SYBU: variants seen among roughly 807,000 people sequenced by gnomAD.
SYBU encodes syntabulin, also known as GOLSYN A protein.
Under a neutral mutation model 35.9 loss-of-function variants are expected in SYBU, and 21 were observed. The ratio of observed to expected loss-of-function variants is 0.58; its 90% confidence interval spans 0.41 to 0.84. The LOEUF is 0.84. SYBU is among the 40% of genes least tolerant of loss of function. SYBU has a pLI of 0.00. For synonymous variants in SYBU, 319 were observed against 324.3 expected, an observed-to-expected ratio of 0.98 and a Z score of 0.18; for missense variants, 768 against 848.2, an observed-to-expected ratio of 0.91 and a Z score of 1.17.
At chr8:109,611,838 ACTT>A (rs1370358358) in intron 3 of SYBU, among the ~76,000 whole-genome samples, 1 of 152,182 alleles carries the variant, frequency 6.6e-6, no homozygotes, top group African/African-American at 2.4e-5. Context: ...AACTTTCTGT[ACTT>A]CATTGCAGTT....
Position 109,644,703 on chromosome 8 carries a change from C to A in SYBU, c.-44G>T. 1 of 1,485,014 alleles carries A rather than the reference C, an allele frequency of 6.7e-7. No individual in the cohort carries two copies. The highest frequency in any genetic ancestry group is 1.5e-5 in the African/African-American group (1 of 68,860). 92.0% of individuals were successfully genotyped at this position (1,485,014 alleles called of 1,614,324 possible). A position where few individuals can be genotyped will look rare whatever the true frequency, so the allele number is the denominator to read the frequency against. On this transcript the variant is annotated 5_prime_UTR_variant, in exon 1 of 7. Coordinates refer to ENST00000276646, the MANE Select transcript of SYBU (RefSeq NM_001099754.2). ...CTCCTCGCGCCGCCGCTGCCGCCGT[C>A]CAGGAGGAGGCACCTGCGAGCACGG...
At chr8:109,633,959 C>T (rs994068609) in intron 2 of SYBU, among the ~76,000 whole-genome samples, 3 of 152,220 alleles carry the variant, frequency 2.0e-5, no homozygotes, top group African/African-American at 7.2e-5. Flanking sequence ...ATCTCTAACT[C>T]CTGGCCTCAA....
intron 4 of SYBU, among the ~76,000 whole-genome samples, chr8:109,581,743 C>T (rs977707961): frequency 6.6e-6 from 1 of 152,210 alleles, no homozygotes; most frequent in Non-Finnish European, 1.5e-5. Flanking sequence ...TGTGGGTACA[C>T]TTGGCTTCAA....
upstream of SYBU, among the ~76,000 whole-genome samples, chr8:109,683,089 A>G (rs1817438398): frequency 6.6e-6 from 1 of 152,028 alleles, no homozygotes; most frequent in Admixed American, 6.5e-5. Flanking sequence ...TTCATGGAAA[A>G]CCTCTGTTAG....
intron 3 of SYBU, among the ~76,000 whole-genome samples, chr8:109,612,701 G>T (rs2703381): frequency 6.6e-6 from 1 of 152,016 alleles, no homozygotes; most frequent in Admixed American, 6.6e-5. Flanking sequence ...CCACCCAGGC[G>T]GAGTGCGGTG....
At chr8:109,597,044 G>C (rs963940188) in intron 3 of SYBU, among the ~76,000 whole-genome samples, 1 of 152,144 alleles carries the variant, frequency 6.6e-6, no homozygotes, top group Non-Finnish European at 1.5e-5. Context: ...ATATGCCTAA[G>C]GTGACCCATT....
Position 109,666,205 on chromosome 8 carries a change from G to A in SYBU, c.-129+14506C>T, listed in dbSNP as rs1442634808. On this transcript the variant is annotated intron_variant, in intron 1 of 5. Coordinates refer to the SYBU transcript ENST00000408889. ...ATGTGGATTAGGAATGGAAAATATC[G>A]AACAACACAACATATTCTTTGAAAG... 3.3e-5 allele frequency among the ~76,000 whole-genome samples: 5 copies of A among 152,052 alleles called. No homozygotes were observed. In the South Asian group the frequency reaches 6.2e-4, roughly 19 times the overall value.
At chr8:109,669,142 A>C (rs1444050143) in intron 1 of SYBU, among the ~76,000 whole-genome samples, 1 of 152,088 alleles carries the variant, frequency 6.6e-6, no homozygotes, top group Non-Finnish European at 1.5e-5. Flanking sequence ...GGAGAACGAG[A>C]CCATCCTGGC....
At chr8:109,578,389 C>G (rs979282222) in intron 5 of SYBU, among the ~76,000 whole-genome samples, 1 of 152,118 alleles carries the variant, frequency 6.6e-6, no homozygotes, top group African/African-American at 2.4e-5. Context: ...CCATGGTTCT[C>G]GAAAGATTTG....
intron 3 of SYBU, among the ~76,000 whole-genome samples, chr8:109,589,689 A>G (rs1462475741): frequency 6.6e-6 from 1 of 152,232 alleles, no homozygotes; most frequent in Non-Finnish European, 1.5e-5. Context: ...TGCTAACGCC[A>G]GGGAATTAGA....
chr8:109,668,165 G>GGGGAGAGAGAGAGA (rs1554628118), intron 1 of SYBU, among the ~76,000 whole-genome samples: 1 of 88,990 alleles, frequency 1.1e-5, no homozygotes, highest in African/African-American at 4.9e-5. Flanking sequence ...GGGGAGAGGG[G>GGGGAGAGAGAGAGA]GAGAGAGAGA....
At chr8:109,645,036 C>T, upstream of SYBU, 1 of 494,958 alleles carries the variant, frequency 2.0e-6, no homozygotes, top group Non-Finnish European at 3.9e-6. Flanking sequence ...AGGAGCTCGG[C>T]CCGGTGTAGG....
In SYBU at chr8:109,644,732, G is replaced by A; in HGVS notation, c.-73C>T. 2 of 1,392,928 alleles carry A rather than the reference G, an allele frequency of 1.4e-6. No individual in the cohort carries two copies. The highest frequency in any genetic ancestry group is 3.1e-5 in the South Asian group (2 of 65,444). The allele number at this position is 1,392,928 out of a possible 1,614,324, so 86.3% of individuals were successfully genotyped here. On this transcript the variant is annotated 5_prime_UTR_variant, in exon 1 of 7. Coordinates refer to ENST00000276646, the MANE Select transcript of SYBU (RefSeq NM_001099754.2). ...GAGGAGGCACCTGCGAGCACGGAGC[G>A]AGGAGACTGCGCTGAGCCGGCGCGG... is the stretch of plus-strand genomic sequence containing the variant.
intron 2 of SYBU, among the ~76,000 whole-genome samples, chr8:109,640,351 CT>C (rs58791426): frequency 0.03 from 4,583 of 151,774 alleles, 196 homozygotes; most frequent in African/African-American, 0.1. Context: ...TGGGGTTTTC[CT>C]TTTTTTTGTT....
intron 2 of SYBU, among the ~76,000 whole-genome samples, chr8:109,640,607 G>A (rs1260419425): frequency 2.6e-5 from 4 of 152,044 alleles, no homozygotes; most frequent in Admixed American, 2.6e-4. Flanking sequence ...CTAGATTCTA[G>A]GAATACTAAC....
At chr8:109,643,147 G>GCACA (rs35325438) in intron 1 of SYBU, 18,787 of 1,141,692 alleles carry the variant, frequency 0.016, 338 homozygotes, top group African/African-American at 0.12. Flanking sequence ...TGTCTGTGTG[G>GCACA]CACACACACA....
At chr8:109,625,354 TA>T (rs1461698719) in intron 2 of SYBU, among the ~76,000 whole-genome samples, 2 of 152,234 alleles carry the variant, frequency 1.3e-5, no homozygotes, top group Non-Finnish European at 2.9e-5. Flanking sequence ...CAAAGTATTT[TA>T]TTTGATTTCT....
chr8:109,626,300 A>G (rs534886895), intron 2 of SYBU, among the ~76,000 whole-genome samples: 6 of 152,268 alleles, frequency 3.9e-5, no homozygotes, highest in African/African-American at 9.6e-5. Flanking sequence ...GAATGTTTTT[A>G]TTATTCAAAG....
At chr8:109,626,529 A>G (rs1189845599) in intron 2 of SYBU, among the ~76,000 whole-genome samples, 1 of 152,218 alleles carries the variant, frequency 6.6e-6, no homozygotes. Context: ...ATTCATTTAT[A>G]TATTTCAAAA....
Sources: allele counts gnomAD v4.1 joint callset (sites outside exome capture counted in the v4.1 genomes callset), GRCh38; gene constraint gnomAD v4.1.1; transcripts MANE v1.5; gene names NCBI Gene and HGNC (gene_info 2026-07-23, HGNC 2026-07-21).